CDH18: variants seen among roughly 807,000 people sequenced by gnomAD.
The protein encoded by CDH18 is cadherin 18, also known as cadherin-18.
Under a neutral mutation model 67.9 loss-of-function variants are expected in CDH18, and 31 were observed. That is an observed-to-expected ratio of 0.46 (90% confidence interval 0.34 to 0.62). CDH18 has a LOEUF of 0.62. Among genes scored for constraint, CDH18 ranks in the 20% least tolerant of loss-of-function variants. The pLI, the probability that CDH18 is intolerant of heterozygous loss-of-function variation, is 0.01. For missense variants in CDH18, 890 were observed against 975.5 expected (o/e 0.91, Z 1.17); for synonymous variants, 362 against 347.2 (o/e 1.04, Z -0.48).
intron 1 of CDH18, among the ~76,000 whole-genome samples, chr5:20,497,668 G>T (rs1753991787): frequency 6.6e-6 from 1 of 152,066 alleles, no homozygotes. Flanking sequence ...ACTAGGTCAT[G>T]ATTTTTCACC....
chr5:19,862,486 T>C (rs1785011992), intron 2 of CDH18, among the ~76,000 whole-genome samples: 1 of 152,162 alleles, frequency 6.6e-6, no homozygotes, highest in African/African-American at 2.4e-5. Flanking sequence ...AACAAGGTAA[T>C]ATACTATCCC....
rs555587359 is a variant in CDH18, at chr5:19,728,608, T to C, written c.524-7142A>G. ...ACATATCAATGAGAGGCAGAAAGAG[T>C]AGACTTCCTGGTAAGTTTCTAAAGA... On this transcript the variant is annotated intron_variant, in intron 4 of 12. Coordinates refer to ENST00000382275, the MANE Select transcript of CDH18 (RefSeq NM_004934.5). Among the ~76,000 whole-genome samples the C allele has an allele frequency of 8.5e-4, 130 of 152,184 alleles. 2 individuals carry two copies. The highest frequency in any genetic ancestry group is 2.6e-3 in the African/African-American group (110 of 41,546).
intron 1 of CDH18, among the ~76,000 whole-genome samples, chr5:20,329,768 CAAA>C (rs60246535): frequency 0.092 from 5,740 of 62,226 alleles, 108 homozygotes; most frequent in East Asian, 0.29. Context: ...GAAACTCCAT[CAAA>C]AAAAAAAAAA....
chr5:20,011,491 G>A (rs1402926943), intron 2 of CDH18, among the ~76,000 whole-genome samples: 3 of 152,006 alleles, frequency 2.0e-5, no homozygotes, highest in African/African-American at 4.8e-5. Flanking sequence ...CCAACACTAC[G>A]TTGAGTAGGA....
intron 2 of CDH18, among the ~76,000 whole-genome samples, chr5:20,238,426 T>C (rs995517914): frequency 1.3e-5 from 2 of 152,230 alleles, no homozygotes; most frequent in Admixed American, 6.5e-5. Flanking sequence ...TGAACAGCCA[T>C]TTTTCCAAAG....
chr5:19,606,559 T>C (rs1444370087), intron 6 of CDH18, among the ~76,000 whole-genome samples: 2 of 151,968 alleles, frequency 1.3e-5, no homozygotes, highest in Non-Finnish European at 1.5e-5. Context: ...ATGGGTTTAA[T>C]TGCTGAACAA....
chr5:19,574,573 A>C (rs1304721969), intron 7 of CDH18, among the ~76,000 whole-genome samples: 2 of 152,090 alleles, frequency 1.3e-5, no homozygotes, highest in Non-Finnish European at 2.9e-5. Context: ...TATATAATAG[A>C]AATTATTGTA....
chr5:20,304,777 A>G, intron 1 of CDH18: 1 of 1,611,172 alleles, frequency 6.2e-7, no homozygotes, highest in South Asian at 1.1e-5. Flanking sequence ...TGTTGAGCCA[A>G]CAAGGGAAGG....
At chr5:19,787,954 T>A (rs924513764) in intron 3 of CDH18, among the ~76,000 whole-genome samples, 2 of 151,940 alleles carry the variant, frequency 1.3e-5, no homozygotes, top group African/African-American at 2.4e-5. Flanking sequence ...ATAAAAATAA[T>A]AGCACCTATT....
chr5:20,498,711 T>C (rs6889765), intron 1 of CDH18, among the ~76,000 whole-genome samples: 71,841 of 151,780 alleles, frequency 0.47, 17,234 homozygotes, highest in East Asian at 0.56. Context: ...TTGTTCTTAT[T>C]GTTTCCACAG....
intron 2 of CDH18, among the ~76,000 whole-genome samples, chr5:19,999,636 A>G (rs949605874): frequency 6.6e-6 from 1 of 152,150 alleles, no homozygotes; most frequent in Non-Finnish European, 1.5e-5. Context: ...TAGTAATAAT[A>G]ATAATAATTC....
intron 5 of CDH18, among the ~76,000 whole-genome samples, chr5:19,694,666 TG>T (rs1182419315): frequency 1.3e-5 from 2 of 151,892 alleles, no homozygotes; most frequent in South Asian, 2.1e-4. Flanking sequence ...TGTGTGTGTG[TG>T]TGTGTGTGTC....
chr5:20,468,578 T>C (rs962683775), intron 1 of CDH18, among the ~76,000 whole-genome samples: 2 of 152,226 alleles, frequency 1.3e-5, no homozygotes, highest in African/African-American at 4.8e-5. Flanking sequence ...AAAAGCTTTT[T>C]CTACATTTCC....
intron 2 of CDH18, among the ~76,000 whole-genome samples, chr5:19,904,816 C>T (rs1790360237): frequency 6.6e-6 from 1 of 152,114 alleles, no homozygotes; most frequent in Non-Finnish European, 1.5e-5. Flanking sequence ...AAAAACATAT[C>T]TTCATATTGT....
At chr5:19,646,044 C>T (rs1263544340) in intron 5 of CDH18, among the ~76,000 whole-genome samples, 1 of 151,802 alleles carries the variant, frequency 6.6e-6, no homozygotes, top group Non-Finnish European at 1.5e-5. Context: ...CAATGTGAGG[C>T]CATCATGTCT....
At chr5:20,252,627 A>G (rs1033719197) in intron 2 of CDH18, among the ~76,000 whole-genome samples, 1 of 152,036 alleles carries the variant, frequency 6.6e-6, no homozygotes, top group Non-Finnish European at 1.5e-5. Context: ...TGCTGGTCCT[A>G]TGTCTTATGA....
intron 2 of CDH18, among the ~76,000 whole-genome samples, chr5:20,166,334 G>A (rs1192049245): frequency 6.6e-6 from 1 of 150,758 alleles, no homozygotes; most frequent in Non-Finnish European, 1.5e-5. Flanking sequence ...TCAGCTGCTC[G>A]GGAGGCTGAG....
intron 4 of CDH18, among the ~76,000 whole-genome samples, chr5:19,724,453 C>T (rs1561152888): frequency 6.6e-6 from 1 of 151,836 alleles, no homozygotes; most frequent in Non-Finnish European, 1.5e-5. Flanking sequence ...GTAATTGATG[C>T]ATAAATAGGC....
intron 2 of CDH18, among the ~76,000 whole-genome samples, chr5:20,007,279 A>G (rs964240848): frequency 3.3e-5 from 5 of 152,056 alleles, no homozygotes; most frequent in African/African-American, 1.2e-4. Context: ...TCAATTGATT[A>G]TAGAGACTCA....
Sources: allele counts gnomAD v4.1 joint callset (sites outside exome capture counted in the v4.1 genomes callset), GRCh38; gene constraint gnomAD v4.1.1; transcripts MANE v1.5; gene names NCBI Gene and HGNC (gene_info 2026-07-23, HGNC 2026-07-21).